SMC2: variants seen among roughly 807,000 people sequenced by gnomAD.
SMC2 encodes structural maintenance of chromosomes 2.
Under a neutral mutation model 142.6 loss-of-function variants are expected in SMC2, and 41 were observed. The observed-to-expected ratio is 0.29, with a 90% CI of 0.22 to 0.37. The LOEUF is 0.37. Among genes scored for constraint, SMC2 ranks in the 10% least tolerant of loss-of-function variants. The probability of loss-of-function intolerance (pLI) is 1.00; values close to 1 mark genes in which losing one functional copy is unlikely to be tolerated. For missense variants in SMC2, 1,265 were observed against 1,373.7 expected (o/e 0.92, Z 1.25); for synonymous variants, 463 against 457.5 (o/e 1.01, Z -0.15).
intron 23 of SMC2, among the ~76,000 whole-genome samples, 195 bp from the exon 24 acceptor site, chr9:104,137,823 G>A (rs1445553630): frequency 1.4e-5 from 2 of 143,378 alleles, no homozygotes; most frequent in Non-Finnish European, 2.9e-5. Context: ...AGGAGAAATG[G>A]AAAGCTAAAA....
At chr9:104,094,621 A>G (rs1217203639) in intron 1 of SMC2, 144 bp downstream of exon 1, 1 of 381,118 alleles carries the variant, frequency 2.6e-6, no homozygotes, top group Non-Finnish European at 4.6e-6. Context: ...CTTAGAAATA[A>G]AGGCTAGCTT....
chr9:104,099,050 A>G (rs929151095), intron 4 of SMC2, among the ~76,000 whole-genome samples: 1 of 152,142 alleles, frequency 6.6e-6, no homozygotes, highest in Non-Finnish European at 1.5e-5. Flanking sequence ...CAGTGGGACC[A>G]AAATAAAAAT....
chr9:104,139,305 T>C lies in SMC2; in HGVS notation c.3584T>C (p.Val1195Ala). 1 of 1,581,944 alleles carries C rather than the reference T, an allele frequency of 6.3e-7. No individual in the cohort carries two copies. The highest frequency in any genetic ancestry group is 8.5e-7 in the Non-Finnish European group (1 of 1,170,400). Residue 1195 changes from valine to alanine, a missense_variant, in exon 25 of 25, where the codon GTG becomes GCG. By Grantham distance (64) the Val-to-Ala change is moderately conservative (BLOSUM62 0). Transcript: ENST00000374793. Reference protein sequence around the residue: ...SKAKPPKGAHVEV With the variant: ...SKAKPPKGAHAEV ...GCAAAACCACCCAAAGGAGCACATG[T>C]GGAAGTTTAAACTACAAAGTTATTT...
At chr9:104,128,375 C>G (rs1834548004) in intron 20 of SMC2, among the ~76,000 whole-genome samples, 2 of 152,132 alleles carry the variant, frequency 1.3e-5, no homozygotes, top group South Asian at 4.1e-4. Context: ...GGCAATGTTA[C>G]TGCTAATAGT....
the SMC2 span, among the ~76,000 whole-genome samples, chr9:104,088,300 T>C: frequency 1.2e-4 from 19 of 152,072 alleles, no homozygotes; most frequent in Admixed American, 2.0e-4. Context: ...CCTTAATGAG[T>C]GAGCAGCAAA....
chr9:104,118,163 T>C lies in SMC2; in HGVS notation c.1792-8T>C. On this transcript the variant is annotated splice_region_variant and splice_polypyrimidine_tract_variant and intron_variant, in intron 14 of 24. Coordinates refer to ENST00000374793, the MANE Select transcript of SMC2 (RefSeq NM_006444.3). ...ATGTACTGTGGCATATCTGTTGTTG[T>C]CCCACAGGTTGGCCCTGACAACGTT... is the stretch of plus-strand genomic sequence containing the variant. The C allele has an allele frequency of 1.2e-6, 2 of 1,612,806 alleles. No individual in the cohort carries two copies. Among genetic ancestry groups the C allele is most frequent in the Non-Finnish European group, 1.7e-6 (2 of 1,178,934 alleles).
chr9:104,124,116 G>A (rs540405243), intron 17 of SMC2, among the ~76,000 whole-genome samples: 95 of 152,120 alleles, frequency 6.2e-4, no homozygotes, highest in African/African-American at 2.1e-3. Context: ...TTTTTGAGAC[G>A]GAGTCTCTCT....
rs570323262 is a variant in SMC2, at chr9:104,134,287, T to C, written c.3109-128T>C. On this transcript the variant is annotated intron_variant, in intron 22 of 24. Transcript: ENST00000374793. ...ATATCCAGATTTTTCACATGGGCCA[T>C]AGTTTGTCAGCCCCTGAGTTAGAGT... The C allele has an allele frequency of 6.7e-5, 38 of 569,210 alleles. No homozygotes were observed. In the South Asian group the frequency reaches 1.2e-3, roughly 18 times the overall value. 35.3% of individuals were successfully genotyped at this position (569,210 alleles called of 1,614,324 possible).
In SMC2 at chr9:104,111,752, C is replaced by G. The variant is rs781477090; in HGVS notation, c.1192C>G (p.Leu398Val). The G allele has an allele frequency of 5.6e-6, 9 of 1,614,070 alleles. No homozygotes were observed. The highest frequency in any genetic ancestry group is 7.6e-6 in the Non-Finnish European group (9 of 1,179,948). Residue 398 changes from leucine (L) to valine (V), a missense_variant, in exon 10 of 25, where the codon CTT (leucine) becomes GTT (valine). Transcript: ENST00000374793. ...TAATGAAGATGGAGCAGAAGCAACT[C>G]TTGCTGGTCAAATGATGGCCTGTAA... is the stretch of plus-strand genomic sequence containing the variant. ...SSNEDGAEAT[L>V]AGQMMACKND...
chr9:104,101,781 T>C (rs1176930518), intron 7 of SMC2, among the ~76,000 whole-genome samples, 179 bp from the exon 8 acceptor site: 2 of 152,224 alleles, frequency 1.3e-5, no homozygotes, highest in Non-Finnish European at 2.9e-5. Flanking sequence ...GATGGTAGAA[T>C]GCTATCTAAA....
intron 9 of SMC2, among the ~76,000 whole-genome samples, chr9:104,107,500 T>C (rs967852817): frequency 6.6e-6 from 1 of 152,228 alleles, no homozygotes; most frequent in Non-Finnish European, 1.5e-5. Flanking sequence ...AATTGTTTTC[T>C]AAGGCCTGCT....
intron 14 of SMC2, among the ~76,000 whole-genome samples, chr9:104,117,628 A>G (rs111719226): frequency 8.5e-5 from 13 of 152,228 alleles, no homozygotes; most frequent in East Asian, 3.8e-4. Context: ...TTGAAACAAC[A>G]TTTTCATATA....
chr9:104,132,757 A>G (rs990571469), intron 22 of SMC2, among the ~76,000 whole-genome samples: 20 of 151,498 alleles, frequency 1.3e-4, no homozygotes, highest in Non-Finnish European at 2.9e-4. Context: ...ATTCCCTGTA[A>G]TATTTTTCTC....
intron 18 of SMC2, among the ~76,000 whole-genome samples, chr9:104,126,086 T>C (rs759237050): frequency 3.3e-5 from 5 of 152,276 alleles, no homozygotes; most frequent in Non-Finnish European, 5.9e-5. Flanking sequence ...GAACTGTGCA[T>C]GCAAGGGATC....
chr9:104,114,135 T>A, intron 12 of SMC2, 54 bp downstream of exon 12: 1 of 1,111,744 alleles, frequency 9.0e-7, no homozygotes. Context: ...ACATTTTTAT[T>A]TAAGCTGGAA....
intron 3 of SMC2, among the ~76,000 whole-genome samples, chr9:104,097,577 C>G (rs539193047): frequency 1.7e-4 from 26 of 150,692 alleles, no homozygotes; most frequent in Admixed American, 1.5e-3. Context: ...ATTAGGCATC[C>G]ATCAAATATT....
intron 21 of SMC2, 51 bp from the exon 22 acceptor site, chr9:104,131,955 GAAT>G: frequency 1.1e-6 from 1 of 902,002 alleles, no homozygotes; most frequent in South Asian, 1.5e-5. Flanking sequence ...CCAAATTCCA[GAAT>G]ATAGAAGAGA....
chr9:104,121,765 T>C (rs1833765060), intron 16 of SMC2, among the ~76,000 whole-genome samples: 1 of 152,112 alleles, frequency 6.6e-6, no homozygotes, highest in Non-Finnish European at 1.5e-5. Flanking sequence ...CATTCAGAGA[T>C]ATAAATTGAA....
intron 14 of SMC2, 52 bp downstream of exon 14, chr9:104,116,371 T>TTAAG (rs781487861): frequency 7.3e-6 from 11 of 1,514,874 alleles, no homozygotes; most frequent in African/African-American, 1.4e-5. Flanking sequence ...TGTGGTTTTT[T>TTAAG]TAAGTTAGAA....
Sources: allele counts gnomAD v4.1 joint callset (sites outside exome capture counted in the v4.1 genomes callset), GRCh38; gene constraint gnomAD v4.1.1; transcripts MANE v1.5; gene names NCBI Gene and HGNC (gene_info 2026-07-23, HGNC 2026-07-21).